Variants in IGF1R observed in about 807,000 individuals in gnomAD.
The protein encoded by IGF1R is insulin-like growth factor 1 receptor.
Under a neutral mutation model 144.6 loss-of-function variants are expected in IGF1R, and 44 were observed. The ratio of observed to expected loss-of-function variants is 0.30; its 90% CI spans 0.24 to 0.39. The LOEUF (loss-of-function observed/expected upper bound fraction) is 0.39, where lower values mean the gene tolerates loss of function less well. IGF1R is among the 10% of genes least tolerant of loss of function. The pLI is 1.00. For missense variants in IGF1R, 1,355 were observed against 1,833.7 expected (o/e 0.74, Z 4.77); for synonymous variants, 795 against 722.8 (o/e 1.10, Z -1.60).
intron 2 of IGF1R, among the ~76,000 whole-genome samples, chr15:98,852,217 C>G (rs1460746331): frequency 6.6e-6 from 1 of 152,180 alleles, no homozygotes; most frequent in African/African-American, 2.4e-5. Flanking sequence ...GCAGGGGCTC[C>G]GGGGGACGCC....
At chr15:98,802,302 A>G (rs1241744739) in intron 2 of IGF1R, among the ~76,000 whole-genome samples, 2 of 152,204 alleles carry the variant, frequency 1.3e-5, no homozygotes, top group Non-Finnish European at 2.9e-5. Context: ...AAATAAAGGC[A>G]CATGTTGTAC....
chr15:98,839,469 A>G (rs887535189), intron 2 of IGF1R, among the ~76,000 whole-genome samples: 13 of 152,160 alleles, frequency 8.5e-5, no homozygotes, highest in Non-Finnish European at 1.8e-4. Context: ...TGGCAGCTCA[A>G]CCTTGTGTGC....
At chr15:98,682,002 G>A (rs1482829759) in intron 1 of IGF1R, among the ~76,000 whole-genome samples, 1 of 152,110 alleles carries the variant, frequency 6.6e-6, no homozygotes, top group Non-Finnish European at 1.5e-5. Context: ...TGTGTAGGGT[G>A]GAGAGCGATT....
intron 2 of IGF1R, among the ~76,000 whole-genome samples, chr15:98,722,161 G>C (rs2054261244): frequency 6.6e-6 from 1 of 152,146 alleles, no homozygotes; most frequent in African/African-American, 2.4e-5. Context: ...CACAAACTAG[G>C]ATTCTGTTGT....
intron 2 of IGF1R, among the ~76,000 whole-genome samples, chr15:98,712,165 C>T (rs2054007959): frequency 6.6e-6 from 1 of 152,112 alleles, no homozygotes; most frequent in Non-Finnish European, 1.5e-5. Flanking sequence ...TCATCTCATC[C>T]ACTGGTAACT....
chr15:98,691,010 G>A (rs2053463359), intron 1 of IGF1R, among the ~76,000 whole-genome samples: 1 of 152,158 alleles, frequency 6.6e-6, no homozygotes. Flanking sequence ...AAGTTGCCGC[G>A]ATAGTCTAGA....
chr15:98,710,490 T>C (rs1429366178), intron 2 of IGF1R, among the ~76,000 whole-genome samples: 1 of 152,132 alleles, frequency 6.6e-6, no homozygotes, highest in Admixed American at 6.5e-5. Context: ...TTGTCCGAAT[T>C]GGGACTGCTT....
chr15:98,907,223 G>A (rs1416838410), intron 5 of IGF1R, among the ~76,000 whole-genome samples: 1 of 152,164 alleles, frequency 6.6e-6, no homozygotes, highest in Non-Finnish European at 1.5e-5. Flanking sequence ...AATGTCACAG[G>A]GCTGCTTGGC....
At chr15:98,806,016 C>G (rs1159533929) in intron 2 of IGF1R, among the ~76,000 whole-genome samples, 1 of 152,194 alleles carries the variant, frequency 6.6e-6, no homozygotes, top group Non-Finnish European at 1.5e-5. Context: ...TTCTGTCTGA[C>G]TTGCCTGAAA....
chr15:98,666,699 G>A (rs2052748078), intron 1 of IGF1R, among the ~76,000 whole-genome samples: 1 of 152,136 alleles, frequency 6.6e-6, no homozygotes, highest in Non-Finnish European at 1.5e-5. Context: ...CATTCATAGA[G>A]ACGGAAAGTA....
chr15:98,734,257 T>TGAGCCA (rs1320011703), intron 2 of IGF1R, among the ~76,000 whole-genome samples: 6 of 152,218 alleles, frequency 3.9e-5, no homozygotes, highest in African/African-American at 1.4e-4. Context: ...CTCAGTAGTA[T>TGAGCCA]TAACCTGAAG....
intron 11 of IGF1R, 21 bp from the exon 12 acceptor site, chr15:98,923,855 T>A: frequency 1.2e-6 from 2 of 1,612,836 alleles, no homozygotes; most frequent in Non-Finnish European, 1.7e-6. Flanking sequence ...TCCAACTTTG[T>A]CACCTGTTTA....
At chr15:98,843,595 GAGAT>G (rs952078342) in intron 2 of IGF1R, among the ~76,000 whole-genome samples, 19 of 152,144 alleles carry the variant, frequency 1.2e-4, no homozygotes, top group African/African-American at 4.3e-4. Flanking sequence ...TCTGCTGTGT[GAGAT>G]AGATAGGAGA....
At chr15:98,837,478 C>T (rs1469292544) in intron 2 of IGF1R, among the ~76,000 whole-genome samples, 1 of 152,286 alleles carries the variant, frequency 6.6e-6, no homozygotes, top group Non-Finnish European at 1.5e-5. Context: ...TGACCGCCCA[C>T]CTCGGCCTCC....
chr15:98,795,501 G>T (rs979740977), intron 2 of IGF1R, among the ~76,000 whole-genome samples: 21 of 152,094 alleles, frequency 1.4e-4, no homozygotes, highest in African/African-American at 5.1e-4. Flanking sequence ...TGCAAGCTCC[G>T]CCTCCTGGGT....
intron 2 of IGF1R, among the ~76,000 whole-genome samples, chr15:98,720,851 A>G (rs2054229896): frequency 6.6e-6 from 1 of 152,200 alleles, no homozygotes; most frequent in Admixed American, 6.5e-5. Flanking sequence ...CTTTTCCACT[A>G]AAGTAAGCTT....
chr15:98,680,006 T>C (rs1403091261), intron 1 of IGF1R, among the ~76,000 whole-genome samples: 1 of 151,766 alleles, frequency 6.6e-6, no homozygotes, highest in Non-Finnish European at 1.5e-5. Context: ...AAAGAAAATA[T>C]ATACAAGAAC....
chr15:98,866,182 C>T (rs1211916015), intron 2 of IGF1R, among the ~76,000 whole-genome samples: 1 of 152,224 alleles, frequency 6.6e-6, no homozygotes, highest in Admixed American at 6.5e-5. Context: ...CAAATCTCAG[C>T]GGAACAGCCC....
chr15:98,650,830 C>T (rs574651487), intron 1 of IGF1R: 5 of 864,856 alleles, frequency 5.8e-6, no homozygotes, highest in Middle Eastern at 5.9e-4. Flanking sequence ...CAGTGTCGCT[C>T]CACATTCGCT....
Sources: allele counts gnomAD v4.1 joint callset (sites outside exome capture counted in the v4.1 genomes callset), GRCh38; gene constraint gnomAD v4.1.1; transcripts MANE v1.5; gene names NCBI Gene and HGNC (gene_info 2026-07-23, HGNC 2026-07-21).